Variants in STAU2 observed in about 807,000 individuals in gnomAD.
STAU2 encodes staufen double-stranded RNA binding protein 2, also known as double-stranded RNA-binding protein Staufen homolog 2.
Under a neutral mutation model 65.9 loss-of-function variants are expected in STAU2, and 20 were observed. The observed-to-expected ratio is 0.30, with a 90% confidence interval of 0.21 to 0.44. The LOEUF is 0.44. Ranked by LOEUF, STAU2 falls within the 20% of genes least tolerant of loss-of-function variation. STAU2 has a pLI of 1.00. For missense variants in STAU2, 558 were observed against 683.9 expected (o/e 0.82, Z 2.05); for synonymous variants, 232 against 233.9 (o/e 0.99, Z 0.07).
chr8:73,446,036 A>G lies in STAU2; in HGVS notation c.1531-23334T>C, dbSNP rs181114056. On this transcript the variant is annotated intron_variant, in intron 13 of 14. Transcript: ENST00000524300. The stretch of plus-strand genomic sequence containing the variant: ...AAAAAAACCTGTACACAAAACTAGA[A>G]ACAACCAAAATATCCCTAAGCATGT... Among the ~76,000 whole-genome samples the G allele has an allele frequency of 2.0e-4, 30 of 152,328 alleles. 1 individual carries two copies. Among genetic ancestry groups the G allele is most frequent in the Admixed American group, 1.9e-3 (29 of 15,300 alleles).
chr8:73,453,407 T>A (rs981573968), intron 13 of STAU2, among the ~76,000 whole-genome samples: 2 of 152,266 alleles, frequency 1.3e-5, no homozygotes, highest in Admixed American at 1.3e-4. Context: ...AAGCTATCAT[T>A]TGATGTTACA....
chr8:73,479,103 C>T (rs1475717966), intron 13 of STAU2, among the ~76,000 whole-genome samples: 2 of 152,104 alleles, frequency 1.3e-5, no homozygotes, highest in Non-Finnish European at 2.9e-5. Context: ...ACTCCCCCAA[C>T]CCCTGGATTA....
intron 3 of STAU2, among the ~76,000 whole-genome samples, chr8:73,714,787 A>G (rs1324100544): frequency 1.3e-5 from 2 of 152,190 alleles, no homozygotes; most frequent in Non-Finnish European, 2.9e-5. Context: ...AATACTTGCA[A>G]TATGTGAAGA....
intron 11 of STAU2, among the ~76,000 whole-genome samples, chr8:73,584,775 C>T (rs375894415): frequency 1.3e-5 from 2 of 152,042 alleles, no homozygotes; most frequent in Non-Finnish European, 2.9e-5. Context: ...TCTAAAGGTA[C>T]GGCCAGGATG....
intron 5 of STAU2, among the ~76,000 whole-genome samples, chr8:73,681,818 G>A (rs561780208): frequency 1.3e-5 from 2 of 152,196 alleles, no homozygotes; most frequent in Admixed American, 6.5e-5. Context: ...AAGCCAGCAG[G>A]AGTAGCTATT....
intron 13 of STAU2, among the ~76,000 whole-genome samples, chr8:73,515,939 T>C (rs111848026): frequency 8.0e-5 from 12 of 149,998 alleles, no homozygotes; most frequent in African/African-American, 2.7e-4. Context: ...GACTCTTTTT[T>C]TTTTTTTTTT....
chr8:73,732,753 G>A (rs1226815712), intron 3 of STAU2: 1 of 152,180 alleles, frequency 6.6e-6, no homozygotes, highest in African/African-American at 2.4e-5. Context: ...ATCTGGGCTT[G>A]AGAAAGTGGT....
At chr8:73,661,835 G>C (rs1264479695) in intron 6 of STAU2, among the ~76,000 whole-genome samples, 3 of 152,118 alleles carry the variant, frequency 2.0e-5, no homozygotes, top group Admixed American at 2.0e-4. Context: ...CATTTACCTA[G>C]TGGTAGATAT....
At chr8:73,725,627 T>A (rs1805567005) in intron 3 of STAU2, among the ~76,000 whole-genome samples, 1 of 152,144 alleles carries the variant, frequency 6.6e-6, no homozygotes, top group African/African-American at 2.4e-5. Flanking sequence ...CAAAACCCCA[T>A]CTCTACTAAA....
chr8:73,544,473 A>AT (rs935682046), intron 13 of STAU2, among the ~76,000 whole-genome samples: 2 of 151,970 alleles, frequency 1.3e-5, no homozygotes, highest in African/African-American at 4.8e-5. Context: ...ATACACACAC[A>AT]TTTTTTTCAG....
intron 3 of STAU2, among the ~76,000 whole-genome samples, chr8:73,719,593 G>C (rs1821499243): frequency 6.6e-6 from 1 of 152,078 alleles, no homozygotes; most frequent in Admixed American, 6.5e-5. Flanking sequence ...TTGCTTTTTA[G>C]TTCATTAATA....
intron 13 of STAU2, among the ~76,000 whole-genome samples, chr8:73,531,729 A>G (rs988834516): frequency 6.6e-6 from 1 of 152,226 alleles, no homozygotes; most frequent in Non-Finnish European, 1.5e-5. Flanking sequence ...GGAACCAGGA[A>G]TCTTAGAACA....
At chr8:73,558,913 G>A (rs1057015888) in intron 12 of STAU2, among the ~76,000 whole-genome samples, 3 of 151,892 alleles carry the variant, frequency 2.0e-5, no homozygotes, top group African/African-American at 7.3e-5. Context: ...ATAATACTCA[G>A]GCCCACTTTG....
intron 5 of STAU2, among the ~76,000 whole-genome samples, chr8:73,682,464 C>T (rs866372608): frequency 1.3e-5 from 2 of 151,678 alleles, no homozygotes; most frequent in African/African-American, 4.8e-5. Flanking sequence ...CTCTGGGATA[C>T]AGAAAAAGTG....
At chr8:73,715,076 C>T (rs1821154223) in intron 3 of STAU2, among the ~76,000 whole-genome samples, 1 of 142,502 alleles carries the variant, frequency 7.0e-6, no homozygotes, top group Non-Finnish European at 1.5e-5. Flanking sequence ...GAGCGAGACT[C>T]CGTCTCAAAA....
chr8:73,638,108 T>A (rs1385420349), intron 6 of STAU2, among the ~76,000 whole-genome samples: 2 of 152,034 alleles, frequency 1.3e-5, no homozygotes, highest in Non-Finnish European at 2.9e-5. Context: ...CCTGAAAGGA[T>A]AATACATGAA....
intron 12 of STAU2, 97 bp from the exon 13 acceptor site, chr8:73,552,416 A>C: frequency 9.2e-7 from 1 of 1,087,624 alleles, no homozygotes. Context: ...TGTAGTAACA[A>C]AGAAATGAGA....
At chr8:73,441,116 C>A (rs1258809255) in intron 13 of STAU2, 1 of 152,364 alleles carries the variant, frequency 6.6e-6, no homozygotes, top group African/African-American at 2.4e-5. Flanking sequence ...CACCCCACTC[C>A]TACCCTTATA....
At chr8:73,468,351 C>T (rs1478258049) in intron 13 of STAU2, among the ~76,000 whole-genome samples, 1 of 152,110 alleles carries the variant, frequency 6.6e-6, no homozygotes, top group African/African-American at 2.4e-5. Context: ...CCATAAAAAC[C>T]CTAGAAGAAA....
Sources: gnomAD v4.1 joint callset for allele counts (sites outside exome capture counted in the v4.1 genomes callset) on GRCh38, gnomAD v4.1.1 for gene constraint, MANE v1.5 for transcripts, NCBI Gene and HGNC (gene_info 2026-07-23, HGNC 2026-07-21) for gene names.